Variants in AGPS observed in about 807,000 individuals in gnomAD.
AGPS encodes alkyldihydroxyacetonephosphate synthase, peroxisomal.
Under a neutral mutation model 90.7 loss-of-function variants are expected in AGPS, and 26 were observed. That is an observed-to-expected ratio of 0.29 (90% CI 0.21 to 0.40). The LOEUF (loss-of-function observed/expected upper bound fraction) is 0.40, where lower values mean the gene tolerates loss of function less well. Among genes scored for constraint, AGPS ranks in the 10% least tolerant of loss-of-function variants. AGPS has a pLI of 1.00. For synonymous variants in AGPS, 294 were observed against 285.3 expected (o/e 1.03, Z -0.31); for missense variants, 540 against 816.1 (o/e 0.66, Z 4.12).
chr2:177,486,638 C>A (rs918542723), intron 11 of AGPS, among the ~76,000 whole-genome samples: 2 of 147,780 alleles, frequency 1.4e-5, no homozygotes, highest in African/African-American at 4.9e-5. Context: ...TTTTCAGATT[C>A]AAGTTGCTTT....
chr2:177,413,385 G>T (rs1158313319), intron 1 of AGPS, among the ~76,000 whole-genome samples: 1 of 152,204 alleles, frequency 6.6e-6, no homozygotes, highest in South Asian at 2.1e-4. Context: ...GAAATGCAAG[G>T]CTCTACCAGA....
At chr2:177,515,069 A>G (rs1478174646) in intron 17 of AGPS, among the ~76,000 whole-genome samples, 1 of 150,378 alleles carries the variant, frequency 6.6e-6, no homozygotes, top group African/African-American at 2.5e-5. Context: ...AGGCAAAGAG[A>G]GGTCTTGTTC....
intron 19 of AGPS, among the ~76,000 whole-genome samples, chr2:177,527,065 G>A (rs753756438): frequency 3.3e-5 from 5 of 152,120 alleles, no homozygotes; most frequent in East Asian, 1.9e-4. Flanking sequence ...TAAAATGTCT[G>A]GAATGAGTAA....
At chr2:177,460,166 G>C (rs147587679) in intron 8 of AGPS, among the ~76,000 whole-genome samples, 9 of 152,152 alleles carry the variant, frequency 5.9e-5, no homozygotes, top group Non-Finnish European at 1.2e-4. Context: ...GGCCTGGGGC[G>C]CGGTGGGAGG....
intron 8 of AGPS, among the ~76,000 whole-genome samples, chr2:177,454,954 G>A (rs1053035301): frequency 2.6e-5 from 4 of 151,936 alleles, no homozygotes; most frequent in African/African-American, 4.8e-5. Context: ...TTGAATGTGA[G>A]GACTTTTTTG....
At chr2:177,447,167 C>T (rs1686800618) in intron 8 of AGPS, among the ~76,000 whole-genome samples, 1 of 152,024 alleles carries the variant, frequency 6.6e-6, no homozygotes, top group African/African-American at 2.4e-5. Context: ...TGATTGTTAT[C>T]TTATTTTGTT....
intron 14 of AGPS, 75 bp from the exon 15 acceptor site, chr2:177,505,431 G>T: frequency 2.3e-6 from 3 of 1,288,764 alleles, no homozygotes; most frequent in South Asian, 2.4e-5. Flanking sequence ...TTATTCTCTT[G>T]ACAGCTTTTT....
intron 1 of AGPS, among the ~76,000 whole-genome samples, chr2:177,395,252 T>C (rs757858703): frequency 7.9e-5 from 12 of 152,048 alleles, no homozygotes; most frequent in Non-Finnish European, 1.6e-4. Flanking sequence ...AGAGAAAAAA[T>C]AGTAACGTTT....
At chr2:177,529,250 T>G (rs1351315374) in intron 19 of AGPS, among the ~76,000 whole-genome samples, 2 of 152,124 alleles carry the variant, frequency 1.3e-5, no homozygotes, top group Non-Finnish European at 2.9e-5. Flanking sequence ...AAAGAGTGCT[T>G]GAGCCCAGGA....
chr2:177,474,088 GAAT>G (rs894451267), intron 10 of AGPS, among the ~76,000 whole-genome samples: 51 of 152,228 alleles, frequency 3.4e-4, no homozygotes, highest in African/African-American at 1.1e-3. Flanking sequence ...ATACATTTAA[GAAT>G]AAACTTTTTG....
rs948613956 is a variant in AGPS at position 177,440,298 on chromosome 2, T to C, written c.638-667T>C. On this transcript the variant is annotated intron_variant, in intron 5 of 19. Coordinates refer to ENST00000264167, the MANE Select transcript of AGPS (RefSeq NM_003659.4). ...TAACACGGCCTAACCAAATGCTGTA[T>C]TAATAAGTTAACATTACTGGAAATG... Among the ~76,000 whole-genome samples the C allele has an allele frequency of 2.6e-5, 4 of 152,228 alleles. No homozygotes were observed. The South Asian group carries it at 8.3e-4, about 32-fold the overall frequency.
chr2:177,441,452 T>G, intron 6 of AGPS: 1 of 155,048 alleles, frequency 6.4e-6, no homozygotes. Flanking sequence ...ATATTCCCTC[T>G]TCAGCTGATG....
intron 9 of AGPS, 24 bp from the exon 10 acceptor site, chr2:177,468,392 T>TAC: frequency 2.1e-6 from 3 of 1,399,454 alleles, no homozygotes; most frequent in Non-Finnish European, 3.0e-6. Flanking sequence ...GTCTAGAATT[T>TAC]ACATCGTGTA....
intron 9 of AGPS, among the ~76,000 whole-genome samples, chr2:177,468,067 TATGA>T (rs1186988104): frequency 6.6e-6 from 1 of 152,158 alleles, no homozygotes; most frequent in Non-Finnish European, 1.5e-5. Flanking sequence ...TCATAAAGGT[TATGA>T]TTATTGCTTA....
In AGPS at chr2:177,499,600, AT is replaced by A. The variant is rs371154486; in HGVS notation, c.1363-5del. 0.09 allele frequency: 87,845 copies of A among 975,080 alleles called. No individual in the cohort carries two copies. The highest frequency in any genetic ancestry group is 0.1 in the South Asian group (5,358 of 52,776). 60.4% of individuals were successfully genotyped at this position (975,080 alleles called of 1,614,324 possible). On this transcript the variant is annotated splice_polypyrimidine_tract_variant and intron_variant, in intron 13 of 19. Transcript: ENST00000264167. ...GGATAAGACTTATCTGTAATAATAAATTTTTTTTTTTTTGTAGTTTAAAGGA... is the reference window on the plus strand; with the variant it reads ...GGATAAGACTTATCTGTAATAATAAATTTTTTTTTTTTGTAGTTTAAAGGA...
chr2:177,505,417 A>G (rs1028471991), intron 14 of AGPS, 89 bp from the exon 15 acceptor site: 2 of 1,183,150 alleles, frequency 1.7e-6, no homozygotes, highest in Non-Finnish European at 2.5e-6. Context: ...TTTGTTATTC[A>G]AACTTATTCT....
chr2:177,523,123 CAA>C (rs1689248711), intron 18 of AGPS, among the ~76,000 whole-genome samples: 1 of 152,008 alleles, frequency 6.6e-6, no homozygotes, highest in African/African-American at 2.4e-5. Context: ...TAATTTATCC[CAA>C]GTCATTGACC....
intron 5 of AGPS, among the ~76,000 whole-genome samples, 196 bp from the exon 6 acceptor site, chr2:177,440,768 CT>C (rs1559047353): frequency 6.6e-6 from 1 of 152,014 alleles, no homozygotes; most frequent in South Asian, 2.1e-4. Flanking sequence ...ATCTTTGTAA[CT>C]TTTTTGTAAG....
intron 10 of AGPS, among the ~76,000 whole-genome samples, chr2:177,473,755 G>C (rs894482064): frequency 6.6e-6 from 1 of 152,192 alleles, no homozygotes; most frequent in Non-Finnish European, 1.5e-5. Context: ...AGTCAGAATG[G>C]AAGCTGCCCC....
Sources: allele counts gnomAD v4.1 joint callset (sites outside exome capture counted in the v4.1 genomes callset), GRCh38; gene constraint gnomAD v4.1.1; transcripts MANE v1.5; gene names NCBI Gene and HGNC (gene_info 2026-07-23, HGNC 2026-07-21).